The following SPEF2 variants were observed in gnomAD, a reference collection of about 807,000 sequenced individuals.
SPEF2 encodes sperm flagella and cilia-associated protein 2.
Under a neutral mutation model 224.6 loss-of-function variants are expected in SPEF2, and 187 were observed. The observed-to-expected ratio is 0.83, with a 90% CI of 0.74 to 0.94. The LOEUF (loss-of-function observed/expected upper bound fraction) is 0.94, where lower values mean the gene tolerates loss of function less well. Ranked by LOEUF, SPEF2 falls within the 40% of genes least tolerant of loss-of-function variation. The probability of loss-of-function intolerance (pLI) is 0.00; values close to 1 mark genes in which losing one functional copy is unlikely to be tolerated. For synonymous variants in SPEF2, 715 were observed against 707.3 expected (o/e 1.01, Z -0.17); for missense variants, 2,170 against 2,135.6 (o/e 1.02, Z -0.32).
At chr5:35,795,621 T>C (rs537554984) in intron 32 of SPEF2, 82 bp from the exon 33 acceptor site, 1 of 1,202,674 alleles carries the variant, frequency 8.3e-7, no homozygotes. Context: ...AGAGACAAGA[T>C]TGGCTCAGTC....
intron 21 of SPEF2, among the ~76,000 whole-genome samples, chr5:35,731,178 A>T (rs1200253605): frequency 1.3e-5 from 2 of 152,238 alleles, no homozygotes; most frequent in African/African-American, 4.8e-5. Flanking sequence ...ATCTTAAATG[A>T]GAAAAGAAAT....
intron 4 of SPEF2, among the ~76,000 whole-genome samples, chr5:35,644,839 A>G (rs1419528624): frequency 6.6e-6 from 1 of 152,188 alleles, no homozygotes; most frequent in African/African-American, 2.4e-5. Context: ...GGTTGCTATT[A>G]GCTACCCCAT....
intron 26 of SPEF2, among the ~76,000 whole-genome samples, chr5:35,766,583 C>T (rs1752123556): frequency 6.6e-6 from 1 of 151,800 alleles, no homozygotes; most frequent in Admixed American, 6.6e-5. Flanking sequence ...ATCAGTTATA[C>T]CAGGCTTTCC....
At chr5:35,741,872 T>G (rs61681692) in intron 23 of SPEF2, among the ~76,000 whole-genome samples, 38,458 of 152,124 alleles carry the variant, frequency 0.25, 4,958 homozygotes, top group South Asian at 0.26. Flanking sequence ...TCCTGTATAC[T>G]TCTTCCTCCA....
At position 35,646,879 on chromosome 5, in the gene SPEF2, G is replaced by A. The variant is rs529859229; in HGVS notation, c.726+72G>A. ...GAATAGTCTGTCTCTGGAACATATA[G>A]AGAGACTTTCCAAAACTTCACATTT... On this transcript the variant is annotated intron_variant, in intron 5 of 36. Coordinates refer to ENST00000356031, the MANE Select transcript of SPEF2 (RefSeq NM_024867.4). The A allele has an allele frequency of 4.8e-5, 73 of 1,512,286 alleles. No homozygotes were observed. The African/African-American group carries it at 9.5e-4, about 20-fold the overall frequency. The allele number at this position is 1,512,286 out of a possible 1,614,324, so 93.7% of individuals were successfully genotyped here.
At chr5:35,761,795 T>C (rs977360915) in intron 25 of SPEF2, among the ~76,000 whole-genome samples, 2 of 152,188 alleles carry the variant, frequency 1.3e-5, no homozygotes, top group Non-Finnish European at 2.9e-5. Context: ...AATAGCAAGT[T>C]AGGCATAATG....
intron 28 of SPEF2, among the ~76,000 whole-genome samples, chr5:35,774,361 T>C (rs1342209253): frequency 6.6e-6 from 1 of 152,208 alleles, no homozygotes; most frequent in Non-Finnish European, 1.5e-5. Flanking sequence ...AAAGTTCGTA[T>C]GATTTTACAG....
chr5:35,765,111 A>T (rs1751915869), intron 26 of SPEF2, among the ~76,000 whole-genome samples: 1 of 152,104 alleles, frequency 6.6e-6, no homozygotes, highest in Admixed American at 6.6e-5. Context: ...TTTAGGAATC[A>T]TTTCCTTGAT....
At chr5:35,704,240 T>C (rs2149574294) in intron 16 of SPEF2, among the ~76,000 whole-genome samples, 1 of 152,262 alleles carries the variant, frequency 6.6e-6, no homozygotes, top group East Asian at 1.9e-4. Context: ...TGTTAATTTT[T>C]CCTATTCTTT....
chr5:35,695,265 GTT>G (rs35696968), intron 13 of SPEF2, among the ~76,000 whole-genome samples: 30,729 of 143,416 alleles, frequency 0.21, 5,056 homozygotes, highest in African/African-American at 0.45. Flanking sequence ...AAAACTTCTG[GTT>G]TTTTTTTTTT....
At chr5:35,797,926 A>G (rs1304159260) in intron 33 of SPEF2, among the ~76,000 whole-genome samples, 1 of 152,158 alleles carries the variant, frequency 6.6e-6, no homozygotes, top group East Asian at 1.9e-4. Context: ...ATTTCAGTCA[A>G]TGGCAACCCT....
chr5:35,795,368 G>T (rs1174399355), intron 32 of SPEF2, among the ~76,000 whole-genome samples: 1 of 152,102 alleles, frequency 6.6e-6, no homozygotes, highest in South Asian at 2.1e-4. Flanking sequence ...ATTAATACAG[G>T]GTAGCAGCCT....
At chr5:35,671,132 T>G in intron 10 of SPEF2, 8 of 985,290 alleles carry the variant, frequency 8.1e-6, no homozygotes, top group Non-Finnish European at 9.6e-6. Flanking sequence ...AAGTGCAACA[T>G]GAAAAAAATC....
chr5:35,630,174 C>T (rs1407869329), intron 2 of SPEF2, among the ~76,000 whole-genome samples: 1 of 152,172 alleles, frequency 6.6e-6, no homozygotes, highest in East Asian at 1.9e-4. Context: ...CTCCTGGCTG[C>T]ATTCACAGGC....
At chr5:35,785,938 T>C (rs1159370027) in intron 30 of SPEF2, among the ~76,000 whole-genome samples, 2 of 152,086 alleles carry the variant, frequency 1.3e-5, no homozygotes, top group Non-Finnish European at 2.9e-5. Flanking sequence ...CTTTTCTTCC[T>C]GGAAAGTTCA....
rs780151543 is a variant in SPEF2, at chr5:35,800,001, G to T, written c.4864G>T (p.Asp1622Tyr). Residue 1622 changes from aspartate (D) to tyrosine (Y), a missense_variant, in exon 34 of 37, where the codon GAT becomes TAT. Asp to Tyr is a radical substitution (Grantham distance 160, BLOSUM62 -3). Transcript: ENST00000356031. ...TAGGCTATTTGCTGACTATGAGAAG[G>T]ATCCACCCCAGCTTGACTACACACA... is the stretch of plus-strand genomic sequence containing the variant. ...FFRLFADYEK[D>Y]PPQLDYTQML... 8 of 1,613,956 alleles carry T rather than the reference G, an allele frequency of 5.0e-6. No individual in the cohort carries two copies. The highest frequency in any genetic ancestry group is 5.9e-6 in the Non-Finnish European group (7 of 1,179,980).
At chr5:35,689,034 A>T (rs1754056207) in intron 10 of SPEF2, among the ~76,000 whole-genome samples, 1 of 152,196 alleles carries the variant, frequency 6.6e-6, no homozygotes, top group South Asian at 2.1e-4. Flanking sequence ...CCAAATAAAC[A>T]GGAAAGCTTT....
intron 23 of SPEF2, among the ~76,000 whole-genome samples, chr5:35,751,034 TACAC>T (rs60610068): frequency 1.7e-4 from 16 of 93,524 alleles, no homozygotes; most frequent in East Asian, 8.1e-4. Context: ...CGTATATATA[TACAC>T]ATATGTATAT....
chr5:35,796,454 A>G (rs1451267488), intron 33 of SPEF2, among the ~76,000 whole-genome samples: 1 of 3,886 alleles, frequency 2.6e-4, no homozygotes, highest in African/African-American at 2.8e-4. Flanking sequence ...TACTAAAAAT[A>G]CAAAAAAATT....
Sources: gnomAD v4.1 joint callset for allele counts (sites outside exome capture counted in the v4.1 genomes callset) on GRCh38, gnomAD v4.1.1 for gene constraint, MANE v1.5 for transcripts, NCBI Gene and HGNC (gene_info 2026-07-23, HGNC 2026-07-21) for gene names.